Variants in ANKRD12 observed in about 807,000 individuals in gnomAD.
ANKRD12 encodes ankyrin repeat domain-containing protein 12.
Under a neutral mutation model 183.4 loss-of-function variants are expected in ANKRD12, and 85 were observed. That is an observed-to-expected ratio of 0.46 (90% CI 0.39 to 0.56). The LOEUF (loss-of-function observed/expected upper bound fraction) is 0.56, where lower values mean the gene tolerates loss of function less well. Among genes scored for constraint, ANKRD12 ranks in the 20% least tolerant of loss-of-function variants. ANKRD12 has a pLI of 0.00. For synonymous variants in ANKRD12, 914 were observed against 800.2 expected, an observed-to-expected ratio of 1.14 and a Z score of -2.40; for missense variants, 2,405 against 2,357.1, an observed-to-expected ratio of 1.02 and a Z score of -0.42.
At chr18:9,142,312 T>TCAC (rs1439767298) in intron 1 of ANKRD12, among the ~76,000 whole-genome samples, 1 of 152,220 alleles carries the variant, frequency 6.6e-6, no homozygotes, top group Non-Finnish European at 1.5e-5. Flanking sequence ...CTTTTGAACC[T>TCAC]CACAGCTCAG....
chr18:9,177,641 A>G (rs982260588), intron 1 of ANKRD12, among the ~76,000 whole-genome samples: 2 of 152,086 alleles, frequency 1.3e-5, no homozygotes, highest in Non-Finnish European at 2.9e-5. Context: ...ATTGTTGTTA[A>G]TTATAGTCAC....
intron 1 of ANKRD12, among the ~76,000 whole-genome samples, chr18:9,170,523 G>T (rs1228523403): frequency 6.6e-6 from 1 of 151,984 alleles, no homozygotes; most frequent in Non-Finnish European, 1.5e-5. Context: ...TTCTGCATTC[G>T]TCATGTAGCT....
At chr18:9,143,370 G>A (rs775183659) in intron 1 of ANKRD12, among the ~76,000 whole-genome samples, 5 of 152,124 alleles carry the variant, frequency 3.3e-5, no homozygotes, top group Non-Finnish European at 7.4e-5. Context: ...TATAGTTGAC[G>A]TGATCATCCA....
chr18:9,147,184 A>T (rs919568080), intron 1 of ANKRD12, among the ~76,000 whole-genome samples: 5 of 152,194 alleles, frequency 3.3e-5, no homozygotes, highest in African/African-American at 9.7e-5. Flanking sequence ...TTAATGACCT[A>T]TCCCAATCTC....
chr18:9,146,134 T>C (rs1372339473), intron 1 of ANKRD12, among the ~76,000 whole-genome samples: 1 of 152,250 alleles, frequency 6.6e-6, no homozygotes, highest in East Asian at 1.9e-4. Context: ...TTAATTTCTT[T>C]TTTAGGGGTT....
At chr18:9,195,261 C>A (rs1002366161) in intron 2 of ANKRD12, among the ~76,000 whole-genome samples, 1 of 152,112 alleles carries the variant, frequency 6.6e-6, no homozygotes, top group East Asian at 1.9e-4. Flanking sequence ...ATGAAATAAT[C>A]TTTACACCAA....
intron 8 of ANKRD12, among the ~76,000 whole-genome samples, chr18:9,232,947 C>G (rs922575217): frequency 5.3e-5 from 8 of 151,830 alleles, no homozygotes; most frequent in Middle Eastern, 3.2e-3. Context: ...CCTCCCAGGT[C>G]CAGGCAATTC....
chr18:9,199,331 C>T (rs889433945), intron 3 of ANKRD12, among the ~76,000 whole-genome samples: 1 of 152,082 alleles, frequency 6.6e-6, no homozygotes, highest in Non-Finnish European at 1.5e-5. Context: ...GATTATGAAA[C>T]AGTATGTGCT....
chr18:9,235,095 G>A (rs896772522), intron 8 of ANKRD12, among the ~76,000 whole-genome samples: 3 of 151,260 alleles, frequency 2.0e-5, no homozygotes, highest in African/African-American at 7.3e-5. Context: ...ACTCTGGAGA[G>A]GGTGGGTGTC....
intron 6 of ANKRD12, among the ~76,000 whole-genome samples, chr18:9,213,737 T>C (rs1456933393): frequency 6.6e-6 from 1 of 151,880 alleles, no homozygotes; most frequent in Non-Finnish European, 1.5e-5. Context: ...TTTTAAGTTA[T>C]CTAATATTTC....
At position 9,257,755 on chromosome 18, in the gene ANKRD12, C is replaced by T; in HGVS notation, c.4488C>T (p.Ser1496=). The change falls in exon 9 of 13, where the codon AGC becomes AGT. Residue 1496 remains serine (S), a synonymous_variant. Coordinates refer to ENST00000262126, the MANE Select transcript of ANKRD12 (RefSeq NM_015208.5). The part of the protein sequence containing the change: ...MPPQQPCSFP[S]QSLSDAESIS... Reference sequence around the variant, plus strand: ...CACAGCAGCCTTGCTCTTTCCCCAGCCAATCACTTTCAGATGCTGAATCGA... The same window carrying T: ...CACAGCAGCCTTGCTCTTTCCCCAGTCAATCACTTTCAGATGCTGAATCGA... 6.2e-7 allele frequency: 1 copy of T among 1,614,048 alleles called. No individual in the cohort carries two copies. The highest frequency in any genetic ancestry group is 1.7e-5 in the Admixed American group (1 of 59,964).
intron 6 of ANKRD12, 93 bp downstream of exon 6, chr18:9,211,877 T>C: frequency 8.7e-7 from 1 of 1,154,660 alleles, no homozygotes. Context: ...TTCATTTTGC[T>C]GAAATGAAAG....
In ANKRD12 at chr18:9,284,025, C is replaced by T. The variant is rs898570468; in HGVS notation, c.*2899C>T. ...GGAGGAATTTTTTGGTTTCCCAGTG[C>T]ATATAAAAGTTTTGTTTATACTATA... On this transcript the variant is annotated 3_prime_UTR_variant, in exon 13 of 13. Transcript: ENST00000262126. The T allele has an allele frequency of 6.6e-6, 1 of 152,124 alleles. No individual in the cohort carries two copies. The highest frequency in any genetic ancestry group is 2.4e-5 in the African/African-American group (1 of 41,406). 9.4% of individuals were successfully genotyped at this position (152,124 alleles called of 1,614,324 possible).
At chr18:9,181,071 G>A (rs1319745375) in intron 1 of ANKRD12, among the ~76,000 whole-genome samples, 2 of 152,146 alleles carry the variant, frequency 1.3e-5, no homozygotes, top group African/African-American at 2.4e-5. Context: ...TTAATGAAAT[G>A]GTTGAATGGC....
At chr18:9,206,266 A>T (rs373333325) in intron 4 of ANKRD12, among the ~76,000 whole-genome samples, 1 of 152,098 alleles carries the variant, frequency 6.6e-6, no homozygotes, top group Non-Finnish European at 1.5e-5. Context: ...GTTCTTGTCT[A>T]TTATTAGGGC....
At chr18:9,228,510 A>C (rs925148086) in intron 8 of ANKRD12, among the ~76,000 whole-genome samples, 19 of 152,186 alleles carry the variant, frequency 1.2e-4, no homozygotes, top group African/African-American at 4.6e-4. Context: ...GATAATAGCC[A>C]TTCTAACCGG....
intron 1 of ANKRD12, among the ~76,000 whole-genome samples, chr18:9,145,521 TGGAAA>T (rs1458791050): frequency 6.6e-6 from 1 of 152,230 alleles, no homozygotes; most frequent in Non-Finnish European, 1.5e-5. Flanking sequence ...CTAGTTGCTG[TGGAAA>T]GGAACATGGT....
At chr18:9,268,212 C>T (rs1334713780) in intron 10 of ANKRD12, among the ~76,000 whole-genome samples, 2 of 152,268 alleles carry the variant, frequency 1.3e-5, no homozygotes, top group South Asian at 2.1e-4. Context: ...GGTACCATTC[C>T]TTCTGAAACT....
chr18:9,235,591 G>C, intron 8 of ANKRD12: 1 of 456,088 alleles, frequency 2.2e-6, no homozygotes, highest in Non-Finnish European at 4.4e-6. Context: ...CTGTACTCCT[G>C]CTATGGCCTT....
Sources: allele counts gnomAD v4.1 joint callset (sites outside exome capture counted in the v4.1 genomes callset), GRCh38; gene constraint gnomAD v4.1.1; transcripts MANE v1.5; gene names NCBI Gene and HGNC (gene_info 2026-07-23, HGNC 2026-07-21).